GRIP1: variants seen among roughly 807,000 people sequenced by gnomAD.
GRIP1 encodes the protein glutamate receptor-interacting protein 1.
A neutral mutation model predicts 129.9 loss-of-function variants in GRIP1; 45 were observed. The ratio of observed to expected loss-of-function variants is 0.35; its 90% CI spans 0.27 to 0.44. The LOEUF (loss-of-function observed/expected upper bound fraction) is 0.44, where lower values mean the gene tolerates loss of function less well. Ranked by LOEUF, GRIP1 falls within the 20% of genes least tolerant of loss-of-function variation. The probability of loss-of-function intolerance (pLI) is 1.00; values close to 1 mark genes in which losing one functional copy is unlikely to be tolerated. For synonymous variants in GRIP1, 530 were observed against 520.8 expected (o/e 1.02, Z -0.24); for missense variants, 1,196 against 1,396.8 (o/e 0.86, Z 2.29).
chr12:66,446,949 T>C (rs2138134025), intron 11 of GRIP1, among the ~76,000 whole-genome samples: 1 of 152,354 alleles, frequency 6.6e-6, no homozygotes, highest in Admixed American at 6.5e-5. Context: ...CTCCTCTTTA[T>C]GACTTTCAGT....
chr12:67,057,374 C>A (rs1272649030), intron 1 of GRIP1, among the ~76,000 whole-genome samples: 1 of 150,900 alleles, frequency 6.6e-6, no homozygotes, highest in Non-Finnish European at 1.5e-5. Flanking sequence ...CATCTGCAAC[C>A]CAAAGGTAAA....
chr12:66,996,675 T>C (rs973200456), intron 1 of GRIP1, among the ~76,000 whole-genome samples: 1 of 152,144 alleles, frequency 6.6e-6, no homozygotes, highest in Non-Finnish European at 1.5e-5. Context: ...AAGATAGAGA[T>C]TGACCCATCC....
intron 1 of GRIP1, among the ~76,000 whole-genome samples, chr12:66,613,630 T>G (rs1431503691): frequency 6.6e-6 from 1 of 152,192 alleles, no homozygotes; most frequent in Non-Finnish European, 1.5e-5. Context: ...TTCCGATTTC[T>G]GTCTTTAAAA....
chr12:66,541,699 G>A, intron 3 of GRIP1, 116 bp downstream of exon 3: 1 of 1,088,758 alleles, frequency 9.2e-7, no homozygotes, highest in Non-Finnish European at 1.4e-6. Flanking sequence ...GGCCTGTGCT[G>A]CCTGGCAGAT....
At chr12:67,039,590 G>T (rs1218577067) in intron 1 of GRIP1, among the ~76,000 whole-genome samples, 4 of 152,094 alleles carry the variant, frequency 2.6e-5, no homozygotes, top group Non-Finnish European at 4.4e-5. Context: ...AAAGAGTACT[G>T]CAACATTGGT....
chr12:66,390,299 T>C (rs2056531844), intron 19 of GRIP1, among the ~76,000 whole-genome samples: 2 of 152,200 alleles, frequency 1.3e-5, no homozygotes, highest in South Asian at 4.1e-4. Flanking sequence ...GGATTAGTTA[T>C]GTGAAAGTGC....
upstream of GRIP1, among the ~76,000 whole-genome samples, chr12:66,808,833 C>T (rs967192553): frequency 8.0e-6 from 1 of 124,494 alleles, no homozygotes; most frequent in African/African-American, 3.1e-5. Context: ...TCAGTTACCA[C>T]CTGGCCCCTG....
chr12:66,862,070 GAAT>G (rs1457006112), intron 1 of GRIP1, among the ~76,000 whole-genome samples: 2 of 152,012 alleles, frequency 1.3e-5, no homozygotes, highest in Non-Finnish European at 2.9e-5. Context: ...ACACATTAAA[GAAT>G]AATGATGAGT....
At chr12:66,365,934 G>A (rs1486066523) in intron 23 of GRIP1, among the ~76,000 whole-genome samples, 1 of 152,154 alleles carries the variant, frequency 6.6e-6, no homozygotes, top group Non-Finnish European at 1.5e-5. Context: ...CTCCCTCTTT[G>A]GTAAGTGAGG....
chr12:66,981,810 G>C (rs896421270), intron 1 of GRIP1, among the ~76,000 whole-genome samples: 1 of 152,186 alleles, frequency 6.6e-6, no homozygotes, highest in Non-Finnish European at 1.5e-5. Flanking sequence ...CTGTACATGA[G>C]TCCTTCACAT....
chr12:66,633,769 T>A (rs574340071), intron 1 of GRIP1, among the ~76,000 whole-genome samples: 1 of 152,220 alleles, frequency 6.6e-6, no homozygotes, highest in Non-Finnish European at 1.5e-5. Flanking sequence ...CCCTCTGCTA[T>A]GTGACCCCTG....
chr12:67,013,587 G>A (rs2042740658), intron 1 of GRIP1, among the ~76,000 whole-genome samples: 1 of 152,112 alleles, frequency 6.6e-6, no homozygotes, highest in African/African-American at 2.4e-5. Flanking sequence ...TTCATTACAG[G>A]AGGGCCTTTT....
At chr12:67,005,181 C>T (rs1202192510) in intron 1 of GRIP1, among the ~76,000 whole-genome samples, 2 of 152,022 alleles carry the variant, frequency 1.3e-5, no homozygotes, top group Admixed American at 1.3e-4. Flanking sequence ...AACTTGCTGC[C>T]CTCTCCCCTT....
intron 1 of GRIP1, among the ~76,000 whole-genome samples, chr12:67,031,552 G>A (rs1236718643): frequency 6.6e-6 from 1 of 151,946 alleles, no homozygotes; most frequent in Non-Finnish European, 1.5e-5. Flanking sequence ...AAATCTCAGG[G>A]GCTTTCTCCA....
intron 2 of GRIP1, among the ~76,000 whole-genome samples, chr12:66,577,853 C>T (rs1014008801): frequency 2.6e-5 from 4 of 152,098 alleles, no homozygotes; most frequent in African/African-American, 4.8e-5. Flanking sequence ...TACTCGGATG[C>T]TGAAGTGAGA....
intron 1 of GRIP1, among the ~76,000 whole-genome samples, chr12:66,601,146 G>A (rs1486296558): frequency 6.6e-6 from 1 of 152,172 alleles, no homozygotes; most frequent in Non-Finnish European, 1.5e-5. Context: ...CAATAGGAGG[G>A]ACCATCTGTC....
intron 1 of GRIP1, among the ~76,000 whole-genome samples, chr12:67,062,153 C>T (rs1447151822): frequency 2.0e-5 from 3 of 152,198 alleles, no homozygotes; most frequent in South Asian, 2.1e-4. Flanking sequence ...GATCCTGACA[C>T]TCCTCTGTTG....
intron 1 of GRIP1, among the ~76,000 whole-genome samples, chr12:66,976,871 C>T (rs1277880609): frequency 6.6e-6 from 1 of 152,166 alleles, no homozygotes; most frequent in Non-Finnish European, 1.5e-5. Flanking sequence ...TTAATATTCT[C>T]TGTCTCTCTT....
chr12:66,750,065 A>G (rs1353198608), intron 1 of GRIP1, among the ~76,000 whole-genome samples: 1 of 152,170 alleles, frequency 6.6e-6, no homozygotes, highest in Non-Finnish European at 1.5e-5. Flanking sequence ...CAATGTGTAT[A>G]TGTCTACAGT....
Sources: allele counts gnomAD v4.1 joint callset (sites outside exome capture counted in the v4.1 genomes callset), GRCh38; gene constraint gnomAD v4.1.1; transcripts MANE v1.5; gene names NCBI Gene and HGNC (gene_info 2026-07-23, HGNC 2026-07-21).